OR9A4: variants seen among roughly 807,000 people sequenced by gnomAD.
OR9A4 encodes olfactory receptor family 9 subfamily A member 4, also known as olfactory receptor 9A4.
In OR9A4, 16 loss-of-function variants were observed where a neutral mutation model predicts 17.1. The ratio of observed to expected loss-of-function variants is 0.94; its 90% CI spans 0.64 to 1.43. OR9A4 has a LOEUF of 1.43. Ranked by LOEUF, OR9A4 falls within the 40% of genes most tolerant of loss-of-function variation. The probability of loss-of-function intolerance (pLI) is 0.00; values close to 1 mark genes in which losing one functional copy is unlikely to be tolerated. For missense variants in OR9A4, 392 were observed against 382.1 expected (o/e 1.03, Z -0.22); for synonymous variants, 167 against 143.3 (o/e 1.17, Z -1.18).
intron 1 of OR9A4, 114 bp from the exon 2 acceptor site, chr7:141,918,732 A>C: frequency 1.6e-6 from 1 of 625,360 alleles, no homozygotes; most frequent in Non-Finnish European, 2.8e-6. Context: ...CATCGTGTAG[A>C]AAATAGTAGA....
chr7:141,918,818 C>T (rs782394632), intron 1 of OR9A4, 28 bp from the exon 2 acceptor site: 39 of 1,245,630 alleles, frequency 3.1e-5, no homozygotes, highest in East Asian at 9.3e-5. Context: ...TTAGGATAAG[C>T]GGTTGTTCTC....
rs781803497 is a variant in OR9A4 at position 141,919,181 on chromosome 7, C to G, written c.306C>G (p.Phe102Leu). The change falls in exon 2 of 2, where the codon TTC becomes TTG. Residue 102 changes from phenylalanine (F) to leucine (L), a missense_variant. By Grantham distance (22) the Phe-to-Leu change is conservative (BLOSUM62 0). Coordinates refer to ENST00000641559, the MANE Select transcript of OR9A4 (RefSeq NM_001001656.3). Reference protein sequence around the residue: ...IYLSACVVQLFLYLAVGTTEF... With the variant: ...IYLSACVVQLLLYLAVGTTEF... ...TGTCTGCCTGTGTTGTCCAGCTCTT[C>G]TTGTACCTTGCTGTGGGGACAACAG... 1 of 1,614,154 alleles carries G rather than the reference C, an allele frequency of 6.2e-7. No individual in the cohort carries two copies. Among genetic ancestry groups the G allele is most frequent in the Non-Finnish European group, 8.5e-7 (1 of 1,180,050 alleles).
intron 1 of OR9A4, among the ~76,000 whole-genome samples, chr7:141,918,606 T>G (rs574441882): frequency 4.6e-5 from 7 of 152,252 alleles, no homozygotes; most frequent in East Asian, 3.9e-4. Context: ...GAGTGCATAC[T>G]AGGGTGGGTG....
rs1802261047 is a variant in OR9A4 at position 141,920,301 on chromosome 7, A to C, written c.*481A>C. 1 of 152,592 alleles carries C rather than the reference A, an allele frequency of 6.6e-6. No individual in the cohort carries two copies. The highest frequency in any genetic ancestry group is 1.5e-5 in the Non-Finnish European group (1 of 68,300). 9.5% of individuals were successfully genotyped at this position (152,592 alleles called of 1,614,324 possible). A position where few individuals can be genotyped will look rare whatever the true frequency, so the allele number is the denominator to read the frequency against. ...GAGTCAACTTTATGGAATGTGATTT[A>C]TATTTCAATAAAGCTTTTGAAAATA... On this transcript the variant is annotated 3_prime_UTR_variant, in exon 2 of 2. Transcript: ENST00000641559.
rs1267725338 is a variant in OR9A4, at chr7:141,916,523, A to G, written c.-144A>G. The G allele has an allele frequency of 6.6e-6, 1 of 152,306 alleles. No homozygotes were observed. Among genetic ancestry groups the G allele is most frequent in the African/African-American group, 2.4e-5 (1 of 41,480 alleles). The allele number at this position is 152,306 out of a possible 1,614,324, so 9.4% of individuals were successfully genotyped here. The stretch of plus-strand genomic sequence containing the variant: ...AGTATCCTTCACTCTGAATGGAGAC[A>G]GAAGCAGCTGTTCCTGTCTCCTGAG... On this transcript the variant is annotated 5_prime_UTR_variant, in exon 1 of 2. Coordinates refer to ENST00000641559, the MANE Select transcript of OR9A4 (RefSeq NM_001001656.3).
rs1554439204 is a variant in OR9A4 at position 141,920,004 on chromosome 7, G to C, written c.*184G>C. Reference sequence around the variant, plus strand: ...ATGCTTAGTTGTTACTTGAAACTCAGTCTATTATTTTTAAGACATGTCTTG... The same window carrying C: ...ATGCTTAGTTGTTACTTGAAACTCACTCTATTATTTTTAAGACATGTCTTG... On this transcript the variant is annotated 3_prime_UTR_variant, in exon 2 of 2. Transcript: ENST00000641559. 2 of 511,746 alleles carry C rather than the reference G, an allele frequency of 3.9e-6. No homozygotes were observed. The highest frequency in any genetic ancestry group is 3.8e-5 in the African/African-American group (2 of 52,210). The allele number at this position is 511,746 out of a possible 1,614,324, so 31.7% of individuals were successfully genotyped here.
At chr7:141,917,208 A>AAT (rs1554438845) in intron 1 of OR9A4, among the ~76,000 whole-genome samples, 1 of 152,224 alleles carries the variant, frequency 6.6e-6, no homozygotes, top group Non-Finnish European at 1.5e-5. Context: ...ATGATAAATT[A>AAT]ATAAACAAGT....
In OR9A4 at chr7:141,919,410, TG is replaced by T. The variant is rs1391783024; in HGVS notation, c.536del (p.Cys179LeufsTer23). On this transcript the variant is annotated frameshift_variant, in exon 2 of 2. Coordinates refer to ENST00000641559, the MANE Select transcript of OR9A4 (RefSeq NM_001001656.3). LOFTEE classifies it high-confidence loss of function. The stretch of plus-strand genomic sequence containing the variant: ...ATCAAATGTGGTGAACAATTTTTTT[TG>T]TGACCGAGGGCAATTGCTCAAACTA... ...CKSNVVNNFF[C>X]DRGQLLKLSC... The T allele has an allele frequency of 5.6e-6, 9 of 1,614,094 alleles. No individual in the cohort carries two copies. The highest frequency in any genetic ancestry group is 7.6e-6 in the Non-Finnish European group (9 of 1,180,044).
chr7:141,917,584 CT>C (rs1250680365), intron 1 of OR9A4, among the ~76,000 whole-genome samples: 2 of 152,180 alleles, frequency 1.3e-5, no homozygotes, highest in African/African-American at 2.4e-5. Context: ...TCTTGTCTCT[CT>C]GCTGAAACTG....
rs1554439186 is a variant in OR9A4 at position 141,919,826 on chromosome 7, C to G, written c.*6C>G. On this transcript the variant is annotated 3_prime_UTR_variant, in exon 2 of 2. Transcript: ENST00000641559. ...GTCAACTATTCAGGAATTAGCCTTG[C>G]TCTGAGGACTTTTACATGGTAAAGC... is the stretch of plus-strand genomic sequence containing the variant. 2 of 1,590,780 alleles carry G rather than the reference C, an allele frequency of 1.3e-6. No homozygotes were observed. Among genetic ancestry groups the G allele is most frequent in the East Asian group, 4.5e-5 (2 of 44,584 alleles).
Position 141,919,368 on chromosome 7 carries a change from C to T in OR9A4, c.493C>T (p.Gln165Ter), listed in dbSNP as rs76669359. The change falls in exon 2 of 2, where the codon CAG (glutamine) becomes TAG (stop). Residue 165 changes from glutamine (Q) to a stop codon, truncating the protein, a stop_gained. Coordinates refer to ENST00000641559, the MANE Select transcript of OR9A4 (RefSeq NM_001001656.3). LOFTEE classifies it high-confidence loss of function. ...FQIWPVYVMFQLTYCKSNVVN... is the reference protein window; with the variant it reads ...FQIWPVYVMF ...AATCTGGCCGGTCTATGTCATGTTT[C>T]AGCTTACTTACTGCAAATCAAATGT... 1.9e-4 allele frequency: 300 copies of T among 1,614,146 alleles called. No individual in the cohort carries two copies. In the African/African-American group the frequency reaches 2.9e-3, roughly 15 times the overall value.
rs782371887 is a variant in OR9A4 at position 141,919,070 on chromosome 7, C to T, written c.195C>T (p.Leu65=). The change falls in exon 2 of 2, where the codon CTC becomes CTT. Residue 65 remains leucine, a synonymous_variant. Transcript: ENST00000641559. ...CCATGTATTTCTTCCTCGGCCACCT[C>T]TCTGCCCTGGAGATCCTGGTCACAA... ...QSPMYFFLGH[L]SALEILVTTI... 12 of 1,614,058 alleles carry T rather than the reference C, an allele frequency of 7.4e-6. No homozygotes were observed. Among genetic ancestry groups the T allele is most frequent in the Non-Finnish European group, 1.0e-5 (12 of 1,180,036 alleles).
In OR9A4 at chr7:141,919,520, T is replaced by C; in HGVS notation, c.645T>C (p.Ile215=). Residue 215 remains isoleucine (I), a synonymous_variant, in exon 2 of 2, where the codon ATT becomes ATC. Coordinates refer to ENST00000641559, the MANE Select transcript of OR9A4 (RefSeq NM_001001656.3). ...FVLFGSLIPT[I]VSNAYIISTI... ...TCTTTGGTTCTTTGATCCCTACAAT[T>C]GTCTCCAACGCCTACATCATCTCCA... 7 of 1,614,186 alleles carry C rather than the reference T, an allele frequency of 4.3e-6. No individual in the cohort carries two copies. The highest frequency in any genetic ancestry group is 5.9e-6 in the Non-Finnish European group (7 of 1,180,038).
In OR9A4 at chr7:141,918,956, T is replaced by C. The variant is rs782584956; in HGVS notation, c.81T>C (p.Phe27=). 6.2e-7 allele frequency: 1 copy of C among 1,614,166 alleles called. No individual in the cohort carries two copies. The highest frequency in any genetic ancestry group is 8.5e-7 in the Non-Finnish European group (1 of 1,180,020). ...PGSEELHHIL[F]AIFFFFYLVT... ...CTGAAGAACTACATCATATCCTTTTTGCTATATTCTTCTTTTTCTACTTGG... is the reference window on the plus strand; with the variant it reads ...CTGAAGAACTACATCATATCCTTTTCGCTATATTCTTCTTTTTCTACTTGG... Residue 27 remains phenylalanine (F), a synonymous_variant, in exon 2 of 2, where the codon TTT becomes TTC. Transcript: ENST00000641559.
chr7:141,919,821 C>A lies in OR9A4; in HGVS notation c.*1C>A. 6.3e-7 allele frequency: 1 copy of A among 1,598,602 alleles called. No homozygotes were observed. The highest frequency in any genetic ancestry group is 8.5e-7 in the Non-Finnish European group (1 of 1,170,532). On this transcript the variant is annotated 3_prime_UTR_variant, in exon 2 of 2. Coordinates refer to ENST00000641559, the MANE Select transcript of OR9A4 (RefSeq NM_001001656.3). ...CTGCTGTCAACTATTCAGGAATTAG[C>A]CTTGCTCTGAGGACTTTTACATGGT... is the stretch of plus-strand genomic sequence containing the variant.
rs1478290261 is a variant in OR9A4 at position 141,920,143 on chromosome 7, T to G, written c.*323T>G. The G allele has an allele frequency of 7.5e-5, 15 of 201,338 alleles. No homozygotes were observed. The highest frequency in any genetic ancestry group is 7.4e-4 in the Admixed American group (14 of 18,978). The allele number at this position is 201,338 out of a possible 1,614,324, so 12.5% of individuals were successfully genotyped here. A position where few individuals can be genotyped will look rare whatever the true frequency, so the allele number is the denominator to read the frequency against. ...TATCTATATAGTCTAGAAAATAGAC[T>G]AGTGGTTGCTTAGGGCTGAGGGGAA... On this transcript the variant is annotated 3_prime_UTR_variant, in exon 2 of 2. Coordinates refer to ENST00000641559, the MANE Select transcript of OR9A4 (RefSeq NM_001001656.3).
chr7:141,919,452 C>G lies in OR9A4; in HGVS notation c.577C>G (p.Leu193Val), dbSNP rs202208130. 13 of 1,614,040 alleles carry G rather than the reference C, an allele frequency of 8.1e-6. No homozygotes were observed. The highest frequency in any genetic ancestry group is 3.3e-5 in the Admixed American group (2 of 59,994). ...GCTCAAACTATCCTGCAATAATACT[C>G]TTTTCACGGAGTTTATCCTCTTCTT... ...QLLKLSCNNTLFTEFILFLMA... is the reference protein window; with the variant it reads ...QLLKLSCNNTVFTEFILFLMA... The change falls in exon 2 of 2, where the codon CTT (leucine) becomes GTT (valine). Residue 193 changes from leucine to valine, a missense_variant. By Grantham distance (32) the Leu-to-Val change is conservative. Transcript: ENST00000641559.
chr7:141,919,692 G>A lies in OR9A4; in HGVS notation c.817G>A (p.Val273Ile). Residue 273 changes from valine to isoleucine, a missense_variant, in exon 2 of 2, where the codon GTA (valine) becomes ATA (isoleucine). By Grantham distance (29) the Val-to-Ile change is conservative (BLOSUM62 3). Transcript: ENST00000641559. Reference sequence around the variant, plus strand: ...AACGCAGGCAGCTGATTACAATTGGGTAGTTTCCCTGATGGTTTCAGTAGT... The same window carrying A: ...AACGCAGGCAGCTGATTACAATTGGATAGTTTCCCTGATGGTTTCAGTAGT... ...KQTQAADYNW[V>I]VSLMVSVVTP... is the part of the protein sequence containing the mutation. 1 of 1,614,150 alleles carries A rather than the reference G, an allele frequency of 6.2e-7. No individual in the cohort carries two copies. The highest frequency in any genetic ancestry group is 2.2e-5 in the East Asian group (1 of 44,872).
At chr7:141,918,252 G>A (rs868995512) in intron 1 of OR9A4, among the ~76,000 whole-genome samples, 10 of 152,200 alleles carry the variant, frequency 6.6e-5, no homozygotes, top group South Asian at 2.1e-4. Context: ...GATTACAGGC[G>A]CGCACCAACA....
Sources: gnomAD v4.1 joint callset for allele counts (sites outside exome capture counted in the v4.1 genomes callset) on GRCh38, gnomAD v4.1.1 for gene constraint, MANE v1.5 for transcripts, NCBI Gene and HGNC (gene_info 2026-07-23, HGNC 2026-07-21) for gene names.